The following XKR4 variants were observed in gnomAD, a reference collection of about 807,000 sequenced individuals.
XKR4 encodes the protein XK related 4.
A neutral mutation model predicts 53.9 loss-of-function variants in XKR4; 12 were observed. That is an observed-to-expected ratio of 0.22 (90% CI 0.14 to 0.36). XKR4 has a LOEUF of 0.36. XKR4 is among the 10% of genes least tolerant of loss of function. XKR4 has a pLI of 1.00. For synonymous variants in XKR4, 354 were observed against 362.4 expected, an observed-to-expected ratio of 0.98 and a Z score of 0.26; for missense variants, 799 against 859.5, an observed-to-expected ratio of 0.93 and a Z score of 0.88.
intron 1 of XKR4, among the ~76,000 whole-genome samples, chr8:55,190,188 T>G (rs556492566): frequency 2.0e-5 from 3 of 152,142 alleles, no homozygotes; most frequent in Non-Finnish European, 4.4e-5. Flanking sequence ...CCTAAGCATG[T>G]GGGAGCAGAA....
Position 55,316,381 on chromosome 8 carries a change from G to A in XKR4, c.807-41297G>A, listed in dbSNP as rs142391929. On this transcript the variant is annotated intron_variant, in intron 1 of 2. Transcript: ENST00000327381. ...TCATTCATGATTCCTGGTATGTAGC[G>A]AGAAAGCCAAGGATGAGACAAATAG... 1.6e-3 allele frequency among the ~76,000 whole-genome samples: 245 copies of A among 152,274 alleles called. 2 individuals carry two copies. The highest frequency in any genetic ancestry group is 6.8e-3 in the Middle Eastern group (2 of 294).
chr8:55,453,859 C>G, intron 2 of XKR4: 1 of 533,826 alleles, frequency 1.9e-6, no homozygotes, highest in East Asian at 4.9e-5. Context: ...GCTCATCAAA[C>G]AGGTCCGTGG....
chr8:55,487,693 TCC>T, intron 2 of XKR4, among the ~76,000 whole-genome samples: 1 of 152,170 alleles, frequency 6.6e-6, no homozygotes, highest in South Asian at 2.1e-4. Flanking sequence ...GGTCTTGAAC[TCC>T]TGGCCTCATG....
chr8:55,383,463 C>T (rs74838446), intron 2 of XKR4, among the ~76,000 whole-genome samples: 2 of 152,268 alleles, frequency 1.3e-5, no homozygotes, highest in Admixed American at 6.5e-5. Context: ...GCTGAGTATA[C>T]GGGGAACCGT....
chr8:55,512,676 G>T (rs1238039687), intron 2 of XKR4, among the ~76,000 whole-genome samples: 1 of 152,204 alleles, frequency 6.6e-6, no homozygotes, highest in Non-Finnish European at 1.5e-5. Flanking sequence ...TGAGAGGAAA[G>T]AATTGAGAGA....
chr8:55,154,829 T>C (rs1442428906), intron 1 of XKR4, among the ~76,000 whole-genome samples: 1 of 152,206 alleles, frequency 6.6e-6, no homozygotes, highest in Non-Finnish European at 1.5e-5. Context: ...ATCAGCTTGT[T>C]TATTGAGAAG....
intron 1 of XKR4, among the ~76,000 whole-genome samples, chr8:55,324,271 T>A (rs945537022): frequency 6.6e-6 from 1 of 152,162 alleles, no homozygotes; most frequent in Non-Finnish European, 1.5e-5. Flanking sequence ...ACTTTTTTAA[T>A]GTTTTGTAGA....
chr8:55,157,044 A>G (rs1331432457), intron 1 of XKR4, among the ~76,000 whole-genome samples: 1 of 152,230 alleles, frequency 6.6e-6, no homozygotes, highest in Non-Finnish European at 1.5e-5. Context: ...TTCATGCTGT[A>G]TGTTAGTGTC....
chr8:55,116,327 C>T (rs942078758), intron 1 of XKR4, among the ~76,000 whole-genome samples: 9 of 152,046 alleles, frequency 5.9e-5, no homozygotes, highest in Non-Finnish European at 1.3e-4. Flanking sequence ...AATCCCCAGC[C>T]AGGAGTTAGC....
At chr8:55,151,460 G>A (rs1009630619) in intron 1 of XKR4, among the ~76,000 whole-genome samples, 1 of 152,146 alleles carries the variant, frequency 6.6e-6, no homozygotes, top group Non-Finnish European at 1.5e-5. Flanking sequence ...ACTACAAAAT[G>A]ATCAGTGAAT....
rs562386001 is a variant in XKR4, at chr8:55,321,013, C to T, written c.807-36665C>T. Among the ~76,000 whole-genome samples the T allele has an allele frequency of 5.3e-5, 8 of 152,228 alleles. No homozygotes were observed. The South Asian group carries it at 1.7e-3, about 32-fold the overall frequency. On this transcript the variant is annotated intron_variant, in intron 1 of 2. Coordinates refer to ENST00000327381, the MANE Select transcript of XKR4 (RefSeq NM_052898.2). ...GAAGAGAAGAGCCAGATTGGAATCC[C>T]TCAGCCTCCCACCACCACACCTGCA...
intron 2 of XKR4, chr8:55,452,380 C>A (rs183028362): frequency 1.9e-4 from 122 of 631,516 alleles, no homozygotes; most frequent in African/African-American, 1.8e-3. Context: ...GTGAAGATGA[C>A]CCGGTACGTA....
At chr8:55,148,085 A>G (rs1411621536) in intron 1 of XKR4, among the ~76,000 whole-genome samples, 1 of 152,192 alleles carries the variant, frequency 6.6e-6, no homozygotes, top group Non-Finnish European at 1.5e-5. Context: ...AAAATTGCAA[A>G]AAATGCATGA....
In XKR4 at chr8:55,526,044, T is replaced by G. The variant is rs1806877906; in HGVS notation, c.*1817T>G. On this transcript the variant is annotated 3_prime_UTR_variant, in exon 3 of 3. Transcript: ENST00000327381. Reference sequence around the variant, plus strand: ...AAATCAAAGATGTAAATGATTACTTTCATCCATCCATTATAACAAACCTGA... The same window carrying G: ...AAATCAAAGATGTAAATGATTACTTGCATCCATCCATTATAACAAACCTGA... 6.6e-6 allele frequency: 1 copy of G among 152,668 alleles called. No individual in the cohort carries two copies. The highest frequency in any genetic ancestry group is 1.5e-5 in the Non-Finnish European group (1 of 68,040). 9.5% of individuals were successfully genotyped at this position (152,668 alleles called of 1,614,324 possible).
chr8:55,257,490 A>C (rs1206233968), intron 1 of XKR4, among the ~76,000 whole-genome samples: 2 of 152,076 alleles, frequency 1.3e-5, no homozygotes, highest in African/African-American at 4.8e-5. Flanking sequence ...GCATGTACTT[A>C]AGAGAAGAAA....
chr8:55,112,470 C>CATGTGAAAGCAGTCTGACTTCTTTT (rs1442460345), intron 1 of XKR4, among the ~76,000 whole-genome samples: 1 of 151,050 alleles, frequency 6.6e-6, no homozygotes, highest in Non-Finnish European at 1.5e-5. Context: ...AGATTTCATC[C>CATGTGAAAGCAGTCTGACTTCTTTT]ATGTGAAAGC....
intron 1 of XKR4, among the ~76,000 whole-genome samples, chr8:55,160,297 T>C (rs1816966218): frequency 6.6e-6 from 1 of 152,004 alleles, no homozygotes; most frequent in Non-Finnish European, 1.5e-5. Flanking sequence ...ATGCAAGGAG[T>C]GTTTAAATTA....
intron 2 of XKR4, among the ~76,000 whole-genome samples, chr8:55,462,986 T>G (rs933995726): frequency 2.6e-5 from 4 of 152,230 alleles, no homozygotes; most frequent in Admixed American, 2.6e-4. Flanking sequence ...AAGTCCTTAG[T>G]GACCTACAAA....
chr8:55,494,999 G>A (rs916886121), intron 2 of XKR4, among the ~76,000 whole-genome samples: 1 of 152,120 alleles, frequency 6.6e-6, no homozygotes, highest in Non-Finnish European at 1.5e-5. Context: ...CTCCCAGGCT[G>A]TTCATGCTGA....
Sources: allele counts gnomAD v4.1 joint callset (sites outside exome capture counted in the v4.1 genomes callset), GRCh38; gene constraint gnomAD v4.1.1; transcripts MANE v1.5; gene names NCBI Gene and HGNC (gene_info 2026-07-23, HGNC 2026-07-21).